CELF2: variants seen among roughly 807,000 people sequenced by gnomAD.
CELF2 encodes the protein CUG triplet repeat RNA-binding protein 2.
In CELF2, 8 loss-of-function variants were observed where a neutral mutation model predicts 62.6. The ratio of observed to expected loss-of-function variants is 0.13; its 90% CI spans 0.07 to 0.23. The LOEUF (loss-of-function observed/expected upper bound fraction) is 0.23, where lower values mean the gene tolerates loss of function less well. Among genes scored for constraint, CELF2 ranks in the 10% least tolerant of loss-of-function variants. CELF2 has a pLI of 1.00. For synonymous variants in CELF2, 258 were observed against 250.0 expected (o/e 1.03, Z -0.30); for missense variants, 333 against 671.0 (o/e 0.50, Z 5.56).
chr10:11,097,617 A>G (rs1250917667), intron 1 of CELF2, among the ~76,000 whole-genome samples: 4 of 152,200 alleles, frequency 2.6e-5, no homozygotes, highest in Non-Finnish European at 5.9e-5. Flanking sequence ...ATCACTAACT[A>G]TCTTTGACCT....
In CELF2 at chr10:11,312,189, G is replaced by T. The variant is rs147458610; in HGVS notation, c.977-1950G>T. Reference sequence around the variant, plus strand: ...AATACCCAGGAAAGAAATATTTCATGAACTAGGATAAAGATGTAATTTTCA... The same window carrying T: ...AATACCCAGGAAAGAAATATTTCATTAACTAGGATAAAGATGTAATTTTCA... On this transcript the variant is annotated intron_variant, in intron 9 of 12. Transcript: ENST00000633077. Among the ~76,000 whole-genome samples the T allele has an allele frequency of 3.3e-5, 5 of 152,254 alleles. No individual in the cohort carries two copies. The East Asian group carries it at 9.6e-4, about 29-fold the overall frequency.
chr10:10,749,057 G>A, the CELF2 span, among the ~76,000 whole-genome samples: 18 of 152,282 alleles, frequency 1.2e-4, no homozygotes, highest in South Asian at 1.0e-3. Context: ...TTGCTTTACG[G>A]GAGATTCGTA....
At chr10:10,475,845 TG>T in the CELF2 span, among the ~76,000 whole-genome samples, 14 of 152,240 alleles carry the variant, frequency 9.2e-5, no homozygotes, top group East Asian at 2.7e-3. Context: ...TTTCTTTGAG[TG>T]GGCAGACATT....
In CELF2 at chr10:11,217,396, T is replaced by G. The variant is rs2063630685; in HGVS notation, c.272-29T>G. The G allele has an allele frequency of 2.0e-6, 3 of 1,536,490 alleles. No individual in the cohort carries two copies. The East Asian group carries it at 6.7e-5, about 35-fold the overall frequency. ...ATCTAAGCAAAGCATTCACAGAAAT[T>G]TCTAAAACCTTTTCATTTCTCTCTG... On this transcript the variant is annotated intron_variant, in intron 2 of 12. Coordinates refer to ENST00000633077, the MANE Select transcript of CELF2 (RefSeq NM_001326342.2). This position sits in a 1 kb window ranked among gnomAD's most constrained non-coding sequence, Gnocchi z 5.6.
chr10:10,601,366 G>A, the CELF2 span, among the ~76,000 whole-genome samples: 1 of 152,192 alleles, frequency 6.6e-6, no homozygotes, highest in Non-Finnish European at 1.5e-5. Flanking sequence ...GATTTTAATG[G>A]TGTTGTAAAC....
rs2053856446 is a variant in CELF2, at chr10:10,995,478, A to C, written c.89+75479A>C. The stretch of plus-strand genomic sequence containing the variant: ...TCACTGGAGAGTTTTGCATTGGTGG[A>C]AAACAGCATGAACGAAAGCACAGAC... On this transcript the variant is annotated intron_variant, in intron 2 of 13. Coordinates refer to the CELF2 transcript ENST00000636488. This position sits in a 1 kb window ranked among gnomAD's most constrained non-coding sequence, Gnocchi z 4.7. Among the ~76,000 whole-genome samples the C allele has an allele frequency of 6.6e-6, 1 of 152,202 alleles. No homozygotes were observed. Among genetic ancestry groups the C allele is most frequent in the African/African-American group, 2.4e-5 (1 of 41,450 alleles).
At position 11,214,247 on chromosome 10, in the gene CELF2, A is replaced by G. The variant is rs2062696904; in HGVS notation, c.272-3178A>G. ...CAGTGAGCTGTGATCACACCACTGC[A>G]TTCCAGCCAGGACAACAGAGTGACA... is the stretch of plus-strand genomic sequence containing the variant. On this transcript the variant is annotated intron_variant, in intron 2 of 12. Coordinates refer to ENST00000633077, the MANE Select transcript of CELF2 (RefSeq NM_001326342.2). This position sits in a 1 kb window ranked among gnomAD's most constrained non-coding sequence, Gnocchi z 4.2. Among the ~76,000 whole-genome samples, 1 of 152,240 alleles carries G rather than the reference A, an allele frequency of 6.6e-6. No individual in the cohort carries two copies. Among genetic ancestry groups the G allele is most frequent in the African/African-American group, 2.4e-5 (1 of 41,460 alleles).
chr10:11,294,159 A>G (rs1020686874), intron 9 of CELF2, among the ~76,000 whole-genome samples: 7 of 152,240 alleles, frequency 4.6e-5, no homozygotes, highest in Non-Finnish European at 4.4e-5. Context: ...ATGTCACGAT[A>G]TAGAATAAGT....
At chr10:11,065,495 A>G (rs571464406) in intron 1 of CELF2, among the ~76,000 whole-genome samples, 60 of 152,292 alleles carry the variant, frequency 3.9e-4, no homozygotes, top group Admixed American at 7.2e-4. Context: ...TGTGATGGTT[A>G]GAGGTTTCTT....
At chr10:10,660,516 C>G in the CELF2 span, among the ~76,000 whole-genome samples, 1 of 152,178 alleles carries the variant, frequency 6.6e-6, no homozygotes, top group Non-Finnish European at 1.5e-5. Context: ...TTTCTCCACC[C>G]GCTCCATTCA....
At chr10:10,603,581 A>G in the CELF2 span, among the ~76,000 whole-genome samples, 1 of 152,156 alleles carries the variant, frequency 6.6e-6, no homozygotes, top group East Asian at 1.9e-4. Context: ...TAATCTCATC[A>G]CCAGAACTGC....
intron 1 of CELF2, among the ~76,000 whole-genome samples, chr10:11,162,293 A>T (rs563707416): frequency 2.0e-5 from 3 of 152,264 alleles, no homozygotes; most frequent in Non-Finnish European, 4.4e-5. Flanking sequence ...CGGCAGCGCC[A>T]GGAGAGAGGT....
At chr10:10,777,368 C>G in the CELF2 span, among the ~76,000 whole-genome samples, 1 of 152,192 alleles carries the variant, frequency 6.6e-6, no homozygotes, top group Non-Finnish European at 1.5e-5. Flanking sequence ...ATCATCTTGT[C>G]AAGGCAGCTT....
At chr10:11,307,065 T>G (rs2094276522) in intron 9 of CELF2, among the ~76,000 whole-genome samples, 1 of 152,202 alleles carries the variant, frequency 6.6e-6, no homozygotes. Flanking sequence ...GTCAGCCACA[T>G]GAGAGCAGTG....
intron 1 of CELF2, among the ~76,000 whole-genome samples, chr10:11,022,730 A>G (rs756497654): frequency 2.4e-4 from 37 of 152,226 alleles, no homozygotes; most frequent in Non-Finnish European, 5.0e-4. Flanking sequence ...AAATGATCTG[A>G]TACAGCTGAG....
At chr10:11,029,812 C>A (rs2059816880) in intron 1 of CELF2, among the ~76,000 whole-genome samples, 2 of 152,200 alleles carry the variant, frequency 1.3e-5, no homozygotes, top group Admixed American at 6.5e-5. Context: ...TTTCTCTTAT[C>A]AATGTCCAAG....
chr10:10,810,058 A>G (rs922594101), intron 1 of CELF2, among the ~76,000 whole-genome samples: 1 of 152,218 alleles, frequency 6.6e-6, no homozygotes, highest in African/African-American at 2.4e-5. Context: ...CTCTAAGCCA[A>G]TTAGGATAGA....
At chr10:11,023,215 A>T (rs1270711354) in intron 1 of CELF2, among the ~76,000 whole-genome samples, 1 of 152,224 alleles carries the variant, frequency 6.6e-6, no homozygotes, top group Non-Finnish European at 1.5e-5. Flanking sequence ...AATGATTTCC[A>T]GTTCATTAGC....
intron 1 of CELF2, among the ~76,000 whole-genome samples, chr10:11,066,603 C>T (rs1354428382): frequency 6.6e-6 from 1 of 152,178 alleles, no homozygotes; most frequent in East Asian, 1.9e-4. Context: ...CACTTGTCAG[C>T]CTCAGGCTCT....
Sources: gnomAD v4.1 joint callset for allele counts (sites outside exome capture counted in the v4.1 genomes callset) on GRCh38, gnomAD v4.1.1 for gene constraint, Gnocchi (gnomAD v3.1) non-coding constraint, MANE v1.5 for transcripts, NCBI Gene and HGNC (gene_info 2026-07-23, HGNC 2026-07-21) for gene names.